The following TMEM108 variants were observed in gnomAD, a reference collection of about 807,000 sequenced individuals.
TMEM108 encodes the protein transmembrane protein 108, also known as cancer/testis antigen 124.
A neutral mutation model predicts 35.1 loss-of-function variants in TMEM108; 12 were observed. The ratio of observed to expected loss-of-function variants is 0.34; its 90% CI spans 0.22 to 0.55. The LOEUF is 0.55. Ranked by LOEUF, TMEM108 falls within the 20% of genes least tolerant of loss-of-function variation. TMEM108 has a pLI of 0.89. For missense variants in TMEM108, 680 were observed against 753.3 expected (o/e 0.90, Z 1.14); for synonymous variants, 287 against 308.6 (o/e 0.93, Z 0.73).
intron 2 of TMEM108, among the ~76,000 whole-genome samples, chr3:133,216,322 T>C (rs1302696631): frequency 6.6e-6 from 1 of 152,138 alleles, no homozygotes; most frequent in Non-Finnish European, 1.5e-5. Flanking sequence ...AGGCTCACTC[T>C]CCTTAAGTAA....
intron 2 of TMEM108, among the ~76,000 whole-genome samples, chr3:133,148,767 G>A (rs907436590): frequency 3.9e-5 from 6 of 152,024 alleles, no homozygotes; most frequent in Admixed American, 6.6e-5. Flanking sequence ...AGGCTGAGGT[G>A]GGAGGATCAC....
chr3:133,176,975 G>A lies in TMEM108; in HGVS notation c.-46-52291G>A, dbSNP rs919775870. ...TCAAATAGACACAATAAAAAATGAT[G>A]AAGGGGATATCACCACCAATCCCAC... is the stretch of plus-strand genomic sequence containing the variant. On this transcript the variant is annotated intron_variant, in intron 2 of 5. Coordinates refer to ENST00000321871, the MANE Select transcript of TMEM108 (RefSeq NM_023943.4). Among the ~76,000 whole-genome samples, 219 of 151,868 alleles carry A rather than the reference G, an allele frequency of 1.4e-3. 1 individual carries two copies. Among genetic ancestry groups the A allele is most frequent in the African/African-American group, 5.0e-3 (207 of 41,376 alleles).
intron 2 of TMEM108, among the ~76,000 whole-genome samples, chr3:133,191,215 AT>A (rs1559862865): frequency 6.6e-6 from 1 of 152,168 alleles, no homozygotes. Context: ...AGAAAAATAC[AT>A]AGAGGGAGGC....
chr3:133,219,283 T>A (rs1559872159), intron 2 of TMEM108, among the ~76,000 whole-genome samples: 1 of 152,052 alleles, frequency 6.6e-6, no homozygotes. Flanking sequence ...TAGCTAAAAG[T>A]TTGTTGATTA....
At chr3:133,304,015 T>C (rs1947267085) in intron 3 of TMEM108, among the ~76,000 whole-genome samples, 1 of 152,226 alleles carries the variant, frequency 6.6e-6, no homozygotes, top group Non-Finnish European at 1.5e-5. Context: ...CTTCAACCCA[T>C]AGTAATATGG....
chr3:133,241,221 A>G (rs901154103), intron 3 of TMEM108, among the ~76,000 whole-genome samples: 12 of 152,260 alleles, frequency 7.9e-5, no homozygotes, highest in African/African-American at 1.7e-4. Context: ...TTGCCTTTAT[A>G]TATGTGATGG....
intron 2 of TMEM108, among the ~76,000 whole-genome samples, chr3:133,224,889 T>C (rs990255234): frequency 6.6e-6 from 1 of 152,144 alleles, no homozygotes; most frequent in Non-Finnish European, 1.5e-5. Context: ...TTTCTCACTT[T>C]ATCCTTCATC....
intron 2 of TMEM108, among the ~76,000 whole-genome samples, chr3:133,090,122 A>G (rs1181932300): frequency 6.6e-6 from 1 of 152,194 alleles, no homozygotes; most frequent in African/African-American, 2.4e-5. Flanking sequence ...CTTTGTGGCC[A>G]GTGCCTAAGT....
At chr3:133,326,384 G>A (rs1319799677) in intron 3 of TMEM108, among the ~76,000 whole-genome samples, 4 of 152,150 alleles carry the variant, frequency 2.6e-5, no homozygotes, top group African/African-American at 9.7e-5. Flanking sequence ...GATCCCAGGA[G>A]GCAATTTGAT....
intron 1 of TMEM108, among the ~76,000 whole-genome samples, chr3:133,045,024 G>C (rs1012315591): frequency 6.6e-6 from 1 of 150,392 alleles, no homozygotes; most frequent in African/African-American, 2.4e-5. Flanking sequence ...CTGGAGTGCA[G>C]TGGCGTGATC....
chr3:133,180,552 A>G (rs760972184), intron 2 of TMEM108, among the ~76,000 whole-genome samples: 2 of 152,144 alleles, frequency 1.3e-5, no homozygotes, highest in African/African-American at 4.8e-5. Flanking sequence ...TTTCTTTTGC[A>G]ATATGAGAGA....
rs55867564 is a variant in TMEM108 at position 133,373,384 on chromosome 3, T to TGATAGATA, written c.41-6315_41-6308dup. ...AAAAAAAGAAATTTAGATAGATAGA[T>TGATAGATA]GATAGATAGATAGATAGATAGATAG... On this transcript the variant is annotated intron_variant, in intron 3 of 5. Transcript: ENST00000321871. 7.4e-3 allele frequency among the ~76,000 whole-genome samples: 1,004 copies of TGATAGATA among 136,294 alleles called. 8 individuals carry two copies. The highest frequency in any genetic ancestry group is 8.5e-3 in the Non-Finnish European group (553 of 65,142). 89.4% of individuals were successfully genotyped at this position (136,294 alleles called of 152,430 possible).
chr3:133,174,530 G>A (rs146563797), intron 2 of TMEM108, among the ~76,000 whole-genome samples: 2,111 of 152,308 alleles, frequency 0.014, 51 homozygotes, highest in African/African-American at 0.048. Flanking sequence ...AATATCCGCT[G>A]TTGTGCAGCC....
intron 3 of TMEM108, among the ~76,000 whole-genome samples, chr3:133,300,750 A>G (rs1450292551): frequency 1.3e-5 from 2 of 151,936 alleles, no homozygotes; most frequent in Admixed American, 6.6e-5. Flanking sequence ...GGGCTGAGGG[A>G]TAGTGTCCTG....
chr3:133,126,255 A>G (rs1044014276), intron 2 of TMEM108, among the ~76,000 whole-genome samples: 1 of 152,110 alleles, frequency 6.6e-6, no homozygotes, highest in African/African-American at 2.4e-5. Context: ...CCATGAGGTC[A>G]GGAGTTCGAG....
intron 2 of TMEM108, among the ~76,000 whole-genome samples, chr3:133,223,978 T>G (rs1946030660): frequency 1.3e-5 from 2 of 152,186 alleles, no homozygotes; most frequent in Admixed American, 1.3e-4. Flanking sequence ...ATTTATAGGC[T>G]CAGTTGTTTT....
At chr3:133,353,502 A>T (rs1467731440) in intron 3 of TMEM108, among the ~76,000 whole-genome samples, 2 of 152,226 alleles carry the variant, frequency 1.3e-5, no homozygotes, top group African/African-American at 4.8e-5. Flanking sequence ...AGGGAAATGA[A>T]TGCCAGGAGG....
intron 3 of TMEM108, among the ~76,000 whole-genome samples, chr3:133,370,915 T>TGTGC (rs1553770108): frequency 1.1e-3 from 153 of 135,790 alleles, no homozygotes; most frequent in African/African-American, 4.1e-3. Flanking sequence ...TGTGTGTGTG[T>TGTGC]GTGTGTGCCA....
chr3:133,111,581 A>G (rs577605918), intron 2 of TMEM108, among the ~76,000 whole-genome samples: 29 of 152,286 alleles, frequency 1.9e-4, no homozygotes, highest in Admixed American at 1.6e-3. Flanking sequence ...ATTAATATAT[A>G]TGCACAATAC....
Sources: allele counts gnomAD v4.1 joint callset (sites outside exome capture counted in the v4.1 genomes callset), GRCh38; gene constraint gnomAD v4.1.1; transcripts MANE v1.5; gene names NCBI Gene and HGNC (gene_info 2026-07-23, HGNC 2026-07-21).